DLG2: variants seen among roughly 807,000 people sequenced by gnomAD.
The protein encoded by DLG2 is disks large homolog 2.
DLG2 carries 45 observed loss-of-function variants against 132.5 expected under a neutral mutation model. That is an observed-to-expected ratio of 0.34 (90% CI 0.27 to 0.44). The LOEUF (loss-of-function observed/expected upper bound fraction) is 0.44. Among genes scored for constraint, DLG2 ranks in the 20% least tolerant of loss-of-function variants. The pLI, the probability that DLG2 is intolerant of heterozygous loss-of-function variation, is 1.00. For missense variants in DLG2, 1,045 were observed against 1,196.9 expected (o/e 0.87, Z 1.87); for synonymous variants, 424 against 419.6 (o/e 1.01, Z -0.13).
chr11:85,464,878 G>C (rs1305428419), intron 3 of DLG2, among the ~76,000 whole-genome samples: 1 of 151,254 alleles, frequency 6.6e-6, no homozygotes, highest in Non-Finnish European at 1.5e-5. Flanking sequence ...TTTGAGACCA[G>C]CCTGGCCAAC....
intron 7 of DLG2, among the ~76,000 whole-genome samples, chr11:84,321,165 G>GT (rs1349698737): frequency 3.3e-5 from 5 of 152,134 alleles, no homozygotes; most frequent in African/African-American, 4.8e-5. Context: ...ATGCTCTACA[G>GT]TATTTGTATA....
At chr11:85,110,919 A>C (rs116596576) in intron 6 of DLG2, among the ~76,000 whole-genome samples, 2,462 of 152,236 alleles carry the variant, frequency 0.016, 68 homozygotes, top group African/African-American at 0.056. Context: ...ATGACAGCTA[A>C]ACTCATTTAC....
intron 5 of DLG2, among the ~76,000 whole-genome samples, chr11:85,116,763 T>G (rs1444623159): frequency 6.6e-6 from 1 of 151,942 alleles, no homozygotes; most frequent in Non-Finnish European, 1.5e-5. Context: ...AGACCACGTG[T>G]GCAATATTCA....
chr11:83,790,310 C>T (rs553519671), intron 17 of DLG2: 19 of 913,240 alleles, frequency 2.1e-5, no homozygotes, highest in African/African-American at 1.3e-4. Context: ...ACCATGGGAG[C>T]GAAAGCTCAA....
At chr11:85,036,803 ACTAT>A (rs2061471270) in intron 6 of DLG2, among the ~76,000 whole-genome samples, 1 of 152,132 alleles carries the variant, frequency 6.6e-6, no homozygotes, top group South Asian at 2.1e-4. Context: ...TTCTGTTCTG[ACTAT>A]CTACAACAGG....
intron 15 of DLG2, among the ~76,000 whole-genome samples, chr11:83,882,419 CAGAT>C (rs962969439): frequency 5.9e-5 from 9 of 152,118 alleles, no homozygotes; most frequent in Admixed American, 1.3e-4. Flanking sequence ...TTGGGACAAA[CAGAT>C]GGATATAAGT....
chr11:85,286,844 G>A (rs1350949474), intron 3 of DLG2, among the ~76,000 whole-genome samples: 3 of 151,996 alleles, frequency 2.0e-5, no homozygotes, highest in Non-Finnish European at 4.4e-5. Flanking sequence ...TGGGGCAGGA[G>A]ACATAAGATG....
chr11:83,617,685 TC>T (rs1246129621), intron 19 of DLG2, among the ~76,000 whole-genome samples: 4 of 152,150 alleles, frequency 2.6e-5, no homozygotes, highest in Admixed American at 2.6e-4. Flanking sequence ...CATACCTGTT[TC>T]CAGGGAAAAA....
intron 3 of DLG2, among the ~76,000 whole-genome samples, chr11:85,345,185 C>T (rs187585486): frequency 1.3e-4 from 20 of 152,214 alleles, no homozygotes; most frequent in Non-Finnish European, 2.2e-4. Context: ...ATAAATCATA[C>T]TAAATATTGC....
chr11:84,628,041 C>T (rs919300727), intron 6 of DLG2, among the ~76,000 whole-genome samples: 10 of 151,836 alleles, frequency 6.6e-5, no homozygotes, highest in African/African-American at 2.4e-4. Flanking sequence ...ATTACTAGAC[C>T]TCCCAAAAGT....
Position 83,559,574 on chromosome 11 carries a change from G to T in DLG2, c.1941-17716C>A, listed in dbSNP as rs2096576167. 2.0e-5 allele frequency among the ~76,000 whole-genome samples: 3 copies of T among 152,128 alleles called. No individual in the cohort carries two copies. The South Asian group carries it at 6.2e-4, about 31-fold the overall frequency. On this transcript the variant is annotated intron_variant, in intron 19 of 27. Coordinates refer to ENST00000376104, the MANE Select transcript of DLG2 (RefSeq NM_001142699.3). ...CAGTTGATCACGGAAGCCATGTTTG[G>T]CCATTTATCCTTCTCTCTCAAATTA...
At chr11:84,060,541 T>A (rs1318444451) in intron 10 of DLG2, among the ~76,000 whole-genome samples, 1 of 8,880 alleles carries the variant, frequency 1.1e-4, no homozygotes, top group Non-Finnish European at 1.7e-3. Flanking sequence ...TTTCCTCTTT[T>A]TTTTTTTTTT....
chr11:84,196,028 A>C (rs1461069268), intron 8 of DLG2, among the ~76,000 whole-genome samples: 1 of 152,224 alleles, frequency 6.6e-6, no homozygotes, highest in Non-Finnish European at 1.5e-5. Flanking sequence ...CACCAAAATA[A>C]AATTATTTGT....
chr11:85,418,302 G>C (rs929745237), intron 3 of DLG2, among the ~76,000 whole-genome samples: 2 of 152,208 alleles, frequency 1.3e-5, no homozygotes, highest in Non-Finnish European at 2.9e-5. Flanking sequence ...ACTGTGGTCT[G>C]AGAGACTGTT....
intron 3 of DLG2, among the ~76,000 whole-genome samples, chr11:85,483,669 C>T (rs929684479): frequency 1.5e-4 from 23 of 152,028 alleles, no homozygotes; most frequent in Admixed American, 1.1e-3. Flanking sequence ...ATAGGCCAGG[C>T]GTGGTGGCTC....
intron 3 of DLG2, among the ~76,000 whole-genome samples, chr11:85,527,410 T>C (rs567951224): frequency 6.6e-6 from 1 of 152,242 alleles, no homozygotes; most frequent in African/African-American, 2.4e-5. Flanking sequence ...CATGTTGTCA[T>C]TGTTCAACTC....
chr11:83,582,446 T>C (rs544159), intron 19 of DLG2, among the ~76,000 whole-genome samples: 75,803 of 152,098 alleles, frequency 0.5, 19,891 homozygotes, highest in African/African-American at 0.65. Context: ...TACTGAATGC[T>C]GATCATGTCC....
At chr11:84,142,190 T>TA (rs1372674002) in intron 9 of DLG2, among the ~76,000 whole-genome samples, 1 of 151,840 alleles carries the variant, frequency 6.6e-6, no homozygotes, top group East Asian at 1.9e-4. Flanking sequence ...TGGTCCCAGC[T>TA]ACTTGGGAGG....
intron 9 of DLG2, among the ~76,000 whole-genome samples, chr11:84,120,600 A>G (rs1267930912): frequency 6.6e-6 from 1 of 152,194 alleles, no homozygotes; most frequent in Non-Finnish European, 1.5e-5. Context: ...AGACTGGATG[A>G]CAGACACTGA....
Sources: allele counts gnomAD v4.1 joint callset (sites outside exome capture counted in the v4.1 genomes callset), GRCh38; gene constraint gnomAD v4.1.1; transcripts MANE v1.5; gene names NCBI Gene and HGNC (gene_info 2026-07-23, HGNC 2026-07-21).